HECTD4: variants seen among roughly 807,000 people sequenced by gnomAD.
The protein encoded by HECTD4 is HECT domain E3 ubiquitin protein ligase 4.
A neutral mutation model predicts 471.5 loss-of-function variants in HECTD4; 114 were observed. The observed-to-expected ratio is 0.24, with a 90% CI of 0.21 to 0.28. HECTD4 has a LOEUF of 0.28. HECTD4 is among the 10% of genes least tolerant of loss of function. The pLI is 1.00. For synonymous variants in HECTD4, 2,012 were observed against 2,256.0 expected (o/e 0.89, Z 3.07); for missense variants, 3,866 against 5,651.5 (o/e 0.68, Z 10.13).
chr12:112,177,832 T>C (rs371337098), intron 64 of HECTD4, among the ~76,000 whole-genome samples: 1 of 152,244 alleles, frequency 6.6e-6, no homozygotes, highest in Non-Finnish European at 1.5e-5. Context: ...TCTGTATTTA[T>C]AGAAAGGGTT....
At chr12:112,247,110 C>T (rs1222641809) in intron 28 of HECTD4, 34 bp from the exon 29 acceptor site, 2 of 1,496,616 alleles carry the variant, frequency 1.3e-6, no homozygotes, top group Admixed American at 4.2e-5. Context: ...TTGAGTTGTT[C>T]TCTAGCTTAT....
At chr12:112,204,385 G>A in intron 53 of HECTD4, 101 bp downstream of exon 53, 2 of 1,154,922 alleles carry the variant, frequency 1.7e-6, no homozygotes, top group Admixed American at 2.0e-5. Context: ...AGTAAGGAGA[G>A]TCACCCTAGG....
rs1384046851 is a variant in HECTD4, at chr12:112,162,366, T to C, written c.*21A>G. 6.2e-7 allele frequency: 1 copy of C among 1,613,790 alleles called. No homozygotes were observed. Among genetic ancestry groups the C allele is most frequent in the Admixed American group, 1.7e-5 (1 of 60,020 alleles). On this transcript the variant is annotated 3_prime_UTR_variant, in exon 76 of 76. Transcript: ENST00000682272. The surrounding 1 kb of genome is among the most constrained non-coding windows in gnomAD (Gnocchi z 5.2). ...CAGAGTGGGTGCCTCAGTGACAGCCTAATTCTGGGGCTCCCTCCCATCAGC... is the reference window on the plus strand; with the variant it reads ...CAGAGTGGGTGCCTCAGTGACAGCCCAATTCTGGGGCTCCCTCCCATCAGC...
At chr12:112,277,574 T>C (rs2034552118) in intron 9 of HECTD4, among the ~76,000 whole-genome samples, 1 of 152,136 alleles carries the variant, frequency 6.6e-6, no homozygotes, top group Admixed American at 6.6e-5. Flanking sequence ...ATCACTGGTG[T>C]CCAATAATAA....
chr12:112,308,424 T>A, intron 6 of HECTD4, among the ~76,000 whole-genome samples: 2 of 143,662 alleles, frequency 1.4e-5, no homozygotes, highest in African/African-American at 5.1e-5. Context: ...ATAGATCTGG[T>A]TCAAAAAAAG....
chr12:112,221,995 C>G (rs2033111579), intron 44 of HECTD4, among the ~76,000 whole-genome samples: 1 of 150,532 alleles, frequency 6.6e-6, no homozygotes, highest in African/African-American at 2.5e-5. Flanking sequence ...GTGATCTCGG[C>G]TCACTGCAAC....
chr12:112,315,365 G>A (rs1246869471), intron 2 of HECTD4, among the ~76,000 whole-genome samples: 2 of 152,150 alleles, frequency 1.3e-5, no homozygotes, highest in Non-Finnish European at 2.9e-5. Context: ...AATACCTAAC[G>A]CAGAACCAAG....
At chr12:112,327,391 T>C (rs2035767831) in intron 1 of HECTD4, among the ~76,000 whole-genome samples, 1 of 151,954 alleles carries the variant, frequency 6.6e-6, no homozygotes, top group Non-Finnish European at 1.5e-5. Flanking sequence ...TTTTTATTTA[T>C]ATTAAATAAA....
At chr12:112,336,503 A>C (rs1200160528) in intron 1 of HECTD4, among the ~76,000 whole-genome samples, 4 of 151,902 alleles carry the variant, frequency 2.6e-5, no homozygotes, top group African/African-American at 9.7e-5. Context: ...AACCTGGGCA[A>C]CAGAGCAAGA....
In HECTD4 at chr12:112,167,320, C is replaced by T; in HGVS notation, c.12531G>A (p.Glu4177=). The stretch of plus-strand genomic sequence containing the variant: ...CAGAACTGTGCCTTGCACTCACGCT[C>T]TCAAACTTCTTGACGTAATTGTAGG... ...ILTYNYVKKF[E]SINDETELEA... Residue 4177 remains glutamate, a synonymous_variant, in exon 72 of 76, where the codon GAG becomes GAA. Transcript: ENST00000682272. The T allele has an allele frequency of 1.2e-6, 2 of 1,609,678 alleles. No individual in the cohort carries two copies. The highest frequency in any genetic ancestry group is 1.7e-5 in the Admixed American group (1 of 59,670).
At chr12:112,352,456 C>G (rs1326478401) in intron 1 of HECTD4, among the ~76,000 whole-genome samples, 1 of 151,898 alleles carries the variant, frequency 6.6e-6, no homozygotes, top group East Asian at 1.9e-4. Context: ...CTGCCTCAGC[C>G]TCCCGGGTAG....
intron 22 of HECTD4, among the ~76,000 whole-genome samples, chr12:112,253,405 G>T (rs918540535): frequency 2.0e-5 from 3 of 152,190 alleles, no homozygotes; most frequent in Non-Finnish European, 2.9e-5. Context: ...GACTATAGGC[G>T]TGAGCAGCTG....
chr12:112,369,932 C>T (rs1016351493), intron 1 of HECTD4, among the ~76,000 whole-genome samples: 1 of 152,156 alleles, frequency 6.6e-6, no homozygotes, highest in African/African-American at 2.4e-5. Context: ...TGAATAATGG[C>T]GTCCACCAAA....
Position 112,225,206 on chromosome 12 carries a change from G to T in HECTD4, c.6970+1437C>A, listed in dbSNP as rs577302811. Among the ~76,000 whole-genome samples the T allele has an allele frequency of 3.4e-5, 5 of 149,216 alleles. No homozygotes were observed. The South Asian group carries it at 6.4e-4, about 19-fold the overall frequency. ...ATACAGACAAATTTAAAAATAAAAA[G>T]AAAACAACAGAAATGACCACAATGT... On this transcript the variant is annotated intron_variant, in intron 44 of 75. Coordinates refer to ENST00000682272, the MANE Select transcript of HECTD4 (RefSeq NM_001388303.1).
At chr12:112,185,556 T>A in intron 60 of HECTD4, 63 bp from the exon 61 acceptor site, 19 of 1,288,108 alleles carry the variant, frequency 1.5e-5, no homozygotes, top group Non-Finnish European at 2.0e-5. Context: ...CCAGGCGCAG[T>A]TCTGAGCCTG....
In HECTD4 at chr12:112,335,665, G is replaced by T. The variant is rs541867619; in HGVS notation, c.178-15923C>A. ...ATCACACCGCTGCTCTCCAGTCTGG[G>T]TGACAGAGTGAGACTCTGTCTCAAA... On this transcript the variant is annotated intron_variant, in intron 1 of 75. Coordinates refer to ENST00000682272, the MANE Select transcript of HECTD4 (RefSeq NM_001388303.1). Among the ~76,000 whole-genome samples the T allele has an allele frequency of 3.9e-5, 6 of 152,200 alleles. No homozygotes were observed. The South Asian group carries it at 1.0e-3, about 26-fold the overall frequency.
intron 64 of HECTD4, among the ~76,000 whole-genome samples, chr12:112,177,120 T>G (rs1566061512): frequency 6.6e-6 from 1 of 152,220 alleles, no homozygotes; most frequent in East Asian, 1.9e-4. Context: ...CCAGCACGGA[T>G]ATAGATACAG....
intron 60 of HECTD4, among the ~76,000 whole-genome samples, chr12:112,187,416 T>C (rs1593909773): frequency 6.6e-6 from 1 of 152,020 alleles, no homozygotes; most frequent in South Asian, 2.1e-4. Context: ...GACTGATTGA[T>C]TGATTGAGAC....
chr12:112,265,041 A>G, intron 16 of HECTD4, 134 bp downstream of exon 16: 1 of 737,752 alleles, frequency 1.4e-6, no homozygotes, highest in East Asian at 3.3e-5. Flanking sequence ...CTGGGATTAC[A>G]GGCGTGAGCC....
Sources: allele counts gnomAD v4.1 joint callset (sites outside exome capture counted in the v4.1 genomes callset), GRCh38; gene constraint gnomAD v4.1.1; non-coding constraint Gnocchi (gnomAD v3.1); transcripts MANE v1.5; gene names NCBI Gene and HGNC (gene_info 2026-07-23, HGNC 2026-07-21).